The following TENM3 variants were observed in gnomAD, a reference collection of about 807,000 sequenced individuals.
The protein encoded by TENM3 is teneurin-3.
TENM3 carries 63 observed loss-of-function variants against 255.1 expected under a neutral mutation model. That is an observed-to-expected ratio of 0.25 (90% CI 0.20 to 0.30). The LOEUF (loss-of-function observed/expected upper bound fraction) is 0.30, where lower values mean the gene tolerates loss of function less well. Ranked by LOEUF, TENM3 falls within the 10% of genes least tolerant of loss-of-function variation. TENM3 has a pLI of 1.00. For synonymous variants in TENM3, 1,306 were observed against 1,322.3 expected (o/e 0.99, Z 0.27); for missense variants, 2,929 against 3,461.1 (o/e 0.85, Z 3.86).
chr4:181,951,291 T>A, the TENM3 span, among the ~76,000 whole-genome samples: 1 of 152,176 alleles, frequency 6.6e-6, no homozygotes, highest in Admixed American at 6.5e-5. Context: ...ACAGCCTCTA[T>A]TTTACTTTTG....
rs775889835 is a variant in TENM3 at position 182,799,889 on chromosome 4, G to A, written c.7638G>A (p.Thr2546=). 2 of 1,609,972 alleles carry A rather than the reference G, an allele frequency of 1.2e-6. No homozygotes were observed. The highest frequency in any genetic ancestry group is 1.7e-4 in the Middle Eastern group (1 of 6,058). The change falls in exon 28 of 28, where the codon ACG becomes ACA. Residue 2546 remains threonine (T), a synonymous_variant. Coordinates refer to ENST00000511685, the MANE Select transcript of TENM3 (RefSeq NM_001080477.4). The surrounding 1 kb of genome is among the most constrained non-coding windows in gnomAD (Gnocchi z 4.2). The part of the protein sequence containing the change: ...NLHFTIEGKD[T]HYFIKTTTPE... ...ACTTCACCATCGAGGGCAAGGACAC[G>A]CACTACTTCATCAAGACCACCACGC...
rs1561182662 is a variant in TENM3 at position 182,738,466 on chromosome 4, C to A, written c.3301C>A (p.Leu1101Met). ...LTLWEKRTAI[L>M]QGYELDASNM... The stretch of plus-strand genomic sequence containing the variant: ...TCTGTGGGAAAAGAGGACTGCCATT[C>A]TGCAGGGCTATGAATTGGATGCGTC... The change falls in exon 18 of 28, where the codon CTG becomes ATG. Residue 1101 changes from leucine to methionine, a missense_variant. Physicochemically the swap from Leu to Met is conservative, Grantham distance 15. Coordinates refer to ENST00000511685, the MANE Select transcript of TENM3 (RefSeq NM_001080477.4). 1 of 1,613,218 alleles carries A rather than the reference C, an allele frequency of 6.2e-7. No homozygotes were observed. Among genetic ancestry groups the A allele is most frequent in the South Asian group, 1.1e-5 (1 of 90,996 alleles).
chr4:181,812,730 C>A, the TENM3 span, among the ~76,000 whole-genome samples: 1 of 152,122 alleles, frequency 6.6e-6, no homozygotes, highest in Non-Finnish European at 1.5e-5. Context: ...TTGGATACCA[C>A]CCTGGGCATT....
chr4:181,511,380 G>A, the TENM3 span, among the ~76,000 whole-genome samples: 1 of 152,164 alleles, frequency 6.6e-6, no homozygotes, highest in South Asian at 2.1e-4. Context: ...TCCTAGCATG[G>A]GTCAGCAGAA....
At chr4:181,765,095 T>C in the TENM3 span, among the ~76,000 whole-genome samples, 1,062 of 152,306 alleles carry the variant, frequency 7.0e-3, 16 homozygotes, top group Middle Eastern at 0.034. Context: ...AAAGCAGAAT[T>C]AGCTATTTTT....
At chr4:182,162,133 C>T (rs1473024156) in intron 1 of TENM3, among the ~76,000 whole-genome samples, 1 of 151,728 alleles carries the variant, frequency 6.6e-6, no homozygotes, top group Non-Finnish European at 1.5e-5. Flanking sequence ...GTCCTCCTGC[C>T]TCAGTCTCTT....
At chr4:181,499,448 T>C in the TENM3 span, among the ~76,000 whole-genome samples, 11 of 152,312 alleles carry the variant, frequency 7.2e-5, no homozygotes, top group South Asian at 2.3e-3. Context: ...TCCTTGATAA[T>C]TCCATGCCAT....
chr4:182,646,698 C>T (rs773325852), intron 5 of TENM3, among the ~76,000 whole-genome samples: 27 of 152,074 alleles, frequency 1.8e-4, no homozygotes, highest in Non-Finnish European at 2.8e-4. Flanking sequence ...GCCGGGATTG[C>T]GCCACTGCAT....
At chr4:181,611,870 A>T in the TENM3 span, among the ~76,000 whole-genome samples, 34 of 152,236 alleles carry the variant, frequency 2.2e-4, no homozygotes, top group Admixed American at 2.2e-3. Context: ...GATCACTTGG[A>T]ATTCACTTTA....
chr4:181,776,989 C>A, the TENM3 span, among the ~76,000 whole-genome samples: 31 of 152,082 alleles, frequency 2.0e-4, no homozygotes, highest in African/African-American at 6.7e-4. Flanking sequence ...GAAGTCTTAG[C>A]CGTAAAATCT....
At chr4:182,590,861 A>AAC (rs920656636) in intron 3 of TENM3, among the ~76,000 whole-genome samples, 10 of 151,866 alleles carry the variant, frequency 6.6e-5, no homozygotes, top group Non-Finnish European at 1.5e-4. Flanking sequence ...AGAAAAAAAA[A>AAC]AACAAAAAAC....
chr4:181,674,549 T>A, the TENM3 span, among the ~76,000 whole-genome samples: 2 of 152,148 alleles, frequency 1.3e-5, no homozygotes, highest in Non-Finnish European at 2.9e-5. Flanking sequence ...AAGAAGGTAA[T>A]TCAGCAAGCA....
At chr4:181,758,397 C>T in the TENM3 span, among the ~76,000 whole-genome samples, 1 of 152,160 alleles carries the variant, frequency 6.6e-6, no homozygotes, top group Non-Finnish European at 1.5e-5. Context: ...TGAAATCACA[C>T]AGTGTAAAGA....
Position 182,161,950 on chromosome 4 carries a change from T to TATATATACACAC in TENM3, c.-76+17196_-76+17197insATATATACACAC, listed in dbSNP as rs1751365788. On this transcript the variant is annotated intron_variant, in intron 1 of 2. Coordinates refer to the TENM3 transcript ENST00000512480. The stretch of plus-strand genomic sequence containing the variant: ...ATATATACACATATATATATTTGTG[T>TATATATACACAC]GTGTGTGTGTATATATATATATATA... Among the ~76,000 whole-genome samples, 3 of 13,144 alleles carry TATATATACACAC rather than the reference T, an allele frequency of 2.3e-4. 1 individual carries two copies. Among genetic ancestry groups the TATATATACACAC allele is most frequent in the Non-Finnish European group, 5.0e-4 (3 of 6,056 alleles). The allele number at this position is 13,144 out of a possible 152,430, so 8.6% of individuals were successfully genotyped here. A position where few individuals can be genotyped will look rare whatever the true frequency, so the allele number is the denominator to read the frequency against.
In TENM3 at chr4:182,348,555, T is replaced by A. The variant is rs1337098044; in HGVS notation, c.511+1626T>A. 3.3e-5 allele frequency among the ~76,000 whole-genome samples: 5 copies of A among 152,194 alleles called. No homozygotes were observed. The South Asian group carries it at 1.0e-3, about 31-fold the overall frequency. ...AATGCAGCAGGATAATGCGATCAGTTCTGATTATCTGCATCATAGATCATC... is the reference window on the plus strand; with the variant it reads ...AATGCAGCAGGATAATGCGATCAGTACTGATTATCTGCATCATAGATCATC... On this transcript the variant is annotated intron_variant, in intron 3 of 27. Coordinates refer to ENST00000511685, the MANE Select transcript of TENM3 (RefSeq NM_001080477.4).
chr4:182,740,265 G>A lies in TENM3; in HGVS notation c.3379+1721G>A, dbSNP rs1053781495. 2.0e-5 allele frequency among the ~76,000 whole-genome samples: 3 copies of A among 152,190 alleles called. No homozygotes were observed. The South Asian group carries it at 6.2e-4, about 31-fold the overall frequency. ...GAGCGGATAACTAGTGCCACATGCA[G>A]CACACATTGAAAAGGTGGGACTCCT... On this transcript the variant is annotated intron_variant, in intron 18 of 27. Coordinates refer to ENST00000511685, the MANE Select transcript of TENM3 (RefSeq NM_001080477.4).
the TENM3 span, among the ~76,000 whole-genome samples, chr4:182,051,364 G>A: frequency 6.5e-5 from 9 of 139,482 alleles, no homozygotes; most frequent in African/African-American, 2.4e-4. Context: ...AGCAAATGAA[G>A]TTATTTTTCC....
chr4:182,654,203 C>G (rs17073715), intron 6 of TENM3, among the ~76,000 whole-genome samples: 1 of 152,008 alleles, frequency 6.6e-6, no homozygotes, highest in African/African-American at 2.4e-5. Flanking sequence ...TGTATCATCT[C>G]TTGTATTACC....
the TENM3 span, among the ~76,000 whole-genome samples, chr4:181,556,364 GT>G: frequency 1.3e-5 from 2 of 151,780 alleles, no homozygotes; most frequent in African/African-American, 2.4e-5. Flanking sequence ...AATTTGTGGG[GT>G]TTTTTTCTAA....
Sources: allele counts gnomAD v4.1 joint callset (sites outside exome capture counted in the v4.1 genomes callset), GRCh38; gene constraint gnomAD v4.1.1; non-coding constraint Gnocchi (gnomAD v3.1); transcripts MANE v1.5; gene names NCBI Gene and HGNC (gene_info 2026-07-23, HGNC 2026-07-21).